Variants in CYP20A1 observed in about 807,000 individuals in gnomAD.
The protein encoded by CYP20A1 is cytochrome P450 20A1.
CYP20A1 carries 61 observed loss-of-function variants against 61.4 expected under a neutral mutation model. The ratio of observed to expected loss-of-function variants is 0.99; its 90% confidence interval spans 0.81 to 1.23. The LOEUF is 1.23. Among genes scored for constraint, CYP20A1 ranks in the 50% most tolerant of loss-of-function variants. The pLI, the probability that CYP20A1 is intolerant of heterozygous loss-of-function variation, is 0.00. For missense variants in CYP20A1, 530 were observed against 542.4 expected, an observed-to-expected ratio of 0.98 and a Z score of 0.23; for synonymous variants, 193 against 188.2, an observed-to-expected ratio of 1.03 and a Z score of -0.21.
At chr2:203,270,224 C>T (rs1449183774) in intron 5 of CYP20A1, among the ~76,000 whole-genome samples, 5 of 152,056 alleles carry the variant, frequency 3.3e-5, no homozygotes, top group South Asian at 2.1e-4. Context: ...TGTGCCATGG[C>T]GCTCCAGCCT....
intron 11 of CYP20A1, among the ~76,000 whole-genome samples, chr2:203,292,586 G>A (rs2068583894): frequency 6.6e-6 from 1 of 152,114 alleles, no homozygotes; most frequent in Non-Finnish European, 1.5e-5. Flanking sequence ...AGCCACCTAA[G>A]TAGCTAGGAC....
At chr2:203,273,816 G>A (rs965385573) in intron 6 of CYP20A1, among the ~76,000 whole-genome samples, 2 of 151,988 alleles carry the variant, frequency 1.3e-5, no homozygotes, top group Non-Finnish European at 2.9e-5. Flanking sequence ...GTGCAGCAGC[G>A]CACACTTGTA....
At chr2:203,265,448 C>G (rs2067285964) in intron 4 of CYP20A1, among the ~76,000 whole-genome samples, 1 of 152,156 alleles carries the variant, frequency 6.6e-6, no homozygotes, top group Non-Finnish European at 1.5e-5. Flanking sequence ...TCCATATTCT[C>G]TCTCCCACCT....
chr2:203,240,233 G>A (rs1234511855), intron 1 of CYP20A1, among the ~76,000 whole-genome samples: 2 of 152,200 alleles, frequency 1.3e-5, no homozygotes, highest in African/African-American at 2.4e-5. Flanking sequence ...GCAGGTAAAT[G>A]GATTAGACTA....
Position 203,297,552 on chromosome 2 carries a change from A to G in CYP20A1, c.*644A>G, listed in dbSNP as rs1347922399. On this transcript the variant is annotated 3_prime_UTR_variant, in exon 13 of 13. Transcript: ENST00000356079. ...AAACCCTGTCTCTACTAAAAATACA[A>G]AAAAATTGGCTGGGTGTGGTGGCCC... 6 of 146,986 alleles carry G rather than the reference A, an allele frequency of 4.1e-5. No homozygotes were observed. The highest frequency in any genetic ancestry group is 2.2e-4 in the South Asian group (1 of 4,646). 9.1% of individuals were successfully genotyped at this position (146,986 alleles called of 1,614,324 possible).
intron 11 of CYP20A1, among the ~76,000 whole-genome samples, chr2:203,294,504 G>A (rs1020394180): frequency 6.6e-6 from 1 of 151,628 alleles, no homozygotes; most frequent in African/African-American, 2.4e-5. Context: ...TGGGCAACAA[G>A]AATGAAACTC....
chr2:203,244,121 C>G (rs931504939), intron 1 of CYP20A1, among the ~76,000 whole-genome samples: 5 of 151,094 alleles, frequency 3.3e-5, no homozygotes, highest in Non-Finnish European at 5.9e-5. Flanking sequence ...AATTAAATGC[C>G]CCCGCCCCCC....
At chr2:203,289,926 T>G (rs1411918899) in intron 10 of CYP20A1, 50 bp downstream of exon 10, 1 of 938,872 alleles carries the variant, frequency 1.1e-6, no homozygotes, top group Non-Finnish European at 1.7e-6. Context: ...TCAACTCTTT[T>G]GGTGTGTGTG....
chr2:203,272,965 G>A (rs888792568), intron 6 of CYP20A1, among the ~76,000 whole-genome samples: 1 of 151,572 alleles, frequency 6.6e-6, no homozygotes, highest in Non-Finnish European at 1.5e-5. Context: ...TCCTGCCTCA[G>A]CCTCCCGAGT....
At chr2:203,286,041 C>T (rs917651910) in intron 9 of CYP20A1, among the ~76,000 whole-genome samples, 2 of 152,128 alleles carry the variant, frequency 1.3e-5, no homozygotes, top group Admixed American at 1.3e-4. Context: ...GGCGTGGTGG[C>T]TCACACCTGT....
At position 203,301,914 on chromosome 2, in the gene CYP20A1, C is replaced by CTGTTTT. The variant is rs2069037913; in HGVS notation, c.*5007_*5008insGTTTTT. Among the ~76,000 whole-genome samples, 1 of 103,548 alleles carries CTGTTTT rather than the reference C, an allele frequency of 9.7e-6. No homozygotes were observed. Among genetic ancestry groups the CTGTTTT allele is most frequent in the Non-Finnish European group, 1.8e-5 (1 of 54,854 alleles). The allele number at this position is 103,548 out of a possible 152,430, so 67.9% of individuals were successfully genotyped here. On this transcript the variant is annotated 3_prime_UTR_variant, in exon 13 of 13. Coordinates refer to ENST00000356079, the MANE Select transcript of CYP20A1 (RefSeq NM_177538.3). Reference sequence around the variant, plus strand: ...TTTGAAGTTAACCACTGTTAAGATTCTTTTTTTTTTTTTTTTTTTTTTGTT... The same window carrying CTGTTTT: ...TTTGAAGTTAACCACTGTTAAGATTCTGTTTTTTTTTTTTTTTTTTTTTTTTTTGTT...
At chr2:203,243,824 G>T (rs956888410) in intron 1 of CYP20A1, among the ~76,000 whole-genome samples, 1 of 151,548 alleles carries the variant, frequency 6.6e-6, no homozygotes, top group African/African-American at 2.4e-5. Flanking sequence ...TGAGTAACTA[G>T]GACTATAGTG....
intron 2 of CYP20A1, among the ~76,000 whole-genome samples, chr2:203,246,225 T>C (rs1019223709): frequency 6.6e-6 from 1 of 152,234 alleles, no homozygotes; most frequent in Non-Finnish European, 1.5e-5. Context: ...TATTTTTAGA[T>C]CACTCATCTT....
rs773355891 is a variant in CYP20A1, at chr2:203,244,633, G to A, written c.73-1213G>A. Among the ~76,000 whole-genome samples the A allele has an allele frequency of 2.6e-5, 4 of 151,576 alleles. No homozygotes were observed. In the East Asian group the frequency reaches 5.8e-4, roughly 22 times the overall value. ...CACAACAAAGAAAACGACGAAAAAT[G>A]TACTGGATATGTGTTAGTTGATGTA... is the stretch of plus-strand genomic sequence containing the variant. On this transcript the variant is annotated intron_variant, in intron 1 of 12. Transcript: ENST00000356079.
In CYP20A1 at chr2:203,301,065, A is replaced by T. The variant is rs1193781032; in HGVS notation, c.*4157A>T. On this transcript the variant is annotated 3_prime_UTR_variant, in exon 13 of 13. Transcript: ENST00000356079. The stretch of plus-strand genomic sequence containing the variant: ...TACAAAATTAGCCGGGCGTGGTGGC[A>T]CATGCCTTTAATCCCAGCTACTGGG... 9.2e-5 allele frequency among the ~76,000 whole-genome samples: 14 copies of T among 151,548 alleles called. No homozygotes were observed. The highest frequency in any genetic ancestry group is 3.9e-4 in the East Asian group (2 of 5,160).
intron 1 of CYP20A1, among the ~76,000 whole-genome samples, chr2:203,245,347 A>ATT (rs1314143117): frequency 8.5e-4 from 45 of 52,876 alleles, no homozygotes; most frequent in African/African-American, 1.7e-3. Flanking sequence ...TTAAAAAAAA[A>ATT]TTTTTTTTTT....
At chr2:203,250,860 C>A (rs954342997) in intron 3 of CYP20A1, among the ~76,000 whole-genome samples, 1 of 151,670 alleles carries the variant, frequency 6.6e-6, no homozygotes, top group African/African-American at 2.4e-5. Flanking sequence ...GTCAGGAGAT[C>A]GAGACCATCC....
intron 4 of CYP20A1, among the ~76,000 whole-genome samples, chr2:203,261,921 G>C (rs933809351): frequency 6.6e-6 from 1 of 152,118 alleles, no homozygotes; most frequent in African/African-American, 2.4e-5. Context: ...AGGGCAAGCT[G>C]CTGGCCACTC....
intron 4 of CYP20A1, among the ~76,000 whole-genome samples, chr2:203,261,235 A>T (rs1368487327): frequency 6.6e-6 from 1 of 151,662 alleles, no homozygotes; most frequent in Non-Finnish European, 1.5e-5. Flanking sequence ...GAATTATAAT[A>T]GGGGCTACTC....
Sources: gnomAD v4.1 joint callset for allele counts (sites outside exome capture counted in the v4.1 genomes callset) on GRCh38, gnomAD v4.1.1 for gene constraint, MANE v1.5 for transcripts, NCBI Gene and HGNC (gene_info 2026-07-23, HGNC 2026-07-21) for gene names.